The following NHSL2 variants were observed in gnomAD, a reference collection of about 807,000 sequenced individuals.
The protein encoded by NHSL2 is NHS-like protein 2.
Under a neutral mutation model 53.4 loss-of-function variants are expected in NHSL2, and 27 were observed. The ratio of observed to expected loss-of-function variants is 0.51; its 90% CI spans 0.37 to 0.70. The LOEUF is 0.70. Ranked by LOEUF, NHSL2 falls within the 30% of genes least tolerant of loss-of-function variation. NHSL2 has a pLI of 0.00. For missense variants in NHSL2, 892 were observed against 980.1 expected (o/e 0.91, Z 1.20); for synonymous variants, 408 against 404.1 (o/e 1.01, Z -0.12).
At chrX:71,941,194 T>C (rs1398493036) in intron 1 of NHSL2, among the ~76,000 whole-genome samples, 1 of 111,840 alleles carries the variant, frequency 8.9e-6, no homozygotes, top group East Asian at 2.8e-4. Context: ...TGTGTGTGTC[T>C]GTGTGTCTGC....
At chrX:72,024,483 G>A (rs2042175443) in intron 1 of NHSL2, among the ~76,000 whole-genome samples, 1 of 112,393 alleles carries the variant, frequency 8.9e-6, no homozygotes, top group Non-Finnish European at 1.9e-5. Context: ...AAATGGCACA[G>A]TACTCTGCAT....
At chrX:72,079,117 C>T (rs956165200) in intron 1 of NHSL2, among the ~76,000 whole-genome samples, 1 of 112,694 alleles carries the variant, frequency 8.9e-6, no homozygotes, top group Non-Finnish European at 1.9e-5. Flanking sequence ...CTCAATCCAT[C>T]GCCCATGCTC....
rs771392014 is a variant in NHSL2 at position 71,956,040 on chromosome X, G to A, written c.280+44673G>A. On this transcript the variant is annotated intron_variant, in intron 1 of 7. Coordinates refer to ENST00000633930, the MANE Select transcript of NHSL2 (RefSeq NM_001013627.3). Reference sequence around the variant, plus strand: ...GTGACAGCTTCTAAGGAAGCTGCTTGTGGTGCATCCATGAAACAGGGTGGA... The same window carrying A: ...GTGACAGCTTCTAAGGAAGCTGCTTATGGTGCATCCATGAAACAGGGTGGA... 2.7e-5 allele frequency among the ~76,000 whole-genome samples: 3 copies of A among 111,343 alleles called. No individual in the cohort carries two copies. The East Asian group carries it at 8.5e-4, about 32-fold the overall frequency.
chrX:71,956,572 G>C (rs1201732611), intron 1 of NHSL2, among the ~76,000 whole-genome samples: 2 of 111,474 alleles, frequency 1.8e-5, no homozygotes, highest in African/African-American at 6.5e-5. Flanking sequence ...AAACATAAAA[G>C]AAGTGTAATC....
rs1212952985 is a variant in NHSL2, at chrX:72,140,703, T to G, written c.3155T>G (p.Leu1052Arg). 1 of 1,206,352 alleles carries G rather than the reference T, an allele frequency of 8.3e-7. No individual in the cohort carries two copies. Among genetic ancestry groups the G allele is most frequent in the Non-Finnish European group, 1.1e-6 (1 of 892,493 alleles). ...DTKCPATGDD[L>R]QSLGQRVTST... The stretch of plus-strand genomic sequence containing the variant: ...AAGTGTCCCGCCACCGGCGATGACC[T>G]GCAATCACTTGGTCAAAGGGTGACT... Residue 1052 changes from leucine to arginine, a missense_variant, in exon 6 of 8, where the codon CTG becomes CGG. By Grantham distance (102) the Leu-to-Arg change is moderately radical. Coordinates refer to ENST00000633930, the MANE Select transcript of NHSL2 (RefSeq NM_001013627.3).
chrX:72,114,163 T>C (rs149723699), intron 1 of NHSL2, among the ~76,000 whole-genome samples: 500 of 112,618 alleles, frequency 4.4e-3, no homozygotes, highest in African/African-American at 0.016. Flanking sequence ...TGTAGGATTA[T>C]GAATGTTCTT....
At position 72,107,447 on chromosome X, in the gene NHSL2, T is replaced by C. The variant is rs1020620942; in HGVS notation, c.281-24632T>C. 2.7e-5 allele frequency among the ~76,000 whole-genome samples: 3 copies of C among 111,933 alleles called. No homozygotes were observed. The Admixed American group carries it at 2.8e-4, about 11-fold the overall frequency. ...TCCACGGTTCACGGCAGGGCCCATT[T>C]AGCCTGCTTCTCTCTTTGGTGTTAC... On this transcript the variant is annotated intron_variant, in intron 1 of 7. Transcript: ENST00000633930.
chrX:72,128,640 C>T (rs1039048214), intron 1 of NHSL2: 2 of 112,810 alleles, frequency 1.8e-5, no homozygotes, highest in Admixed American at 1.9e-4. Flanking sequence ...GGTTGGCCCC[C>T]ATGAGGGGTC....
intron 1 of NHSL2, among the ~76,000 whole-genome samples, chrX:71,953,920 G>A (rs928242135): frequency 1.8e-5 from 2 of 112,123 alleles, no homozygotes; most frequent in South Asian, 3.7e-4. Context: ...TCCCCAGCCT[G>A]CACCTTCGAG....
intron 1 of NHSL2, among the ~76,000 whole-genome samples, chrX:71,963,438 T>A (rs1008193068): frequency 1.8e-5 from 2 of 111,248 alleles, no homozygotes; most frequent in African/African-American, 6.5e-5. Context: ...ATATCAATAG[T>A]AATCATGATA....
chrX:71,929,568 C>T (rs182098155), intron 1 of NHSL2, among the ~76,000 whole-genome samples: 2 of 112,185 alleles, frequency 1.8e-5, no homozygotes, highest in East Asian at 5.6e-4. Flanking sequence ...GAATCCCTGT[C>T]CTAAGGCAAA....
At chrX:71,916,055 GA>G (rs1419164395) in intron 1 of NHSL2, among the ~76,000 whole-genome samples, 1 of 111,690 alleles carries the variant, frequency 9.0e-6, no homozygotes, top group African/African-American at 3.3e-5. Flanking sequence ...AATTGCTCCA[GA>G]AAAAGGATCT....
intron 1 of NHSL2, among the ~76,000 whole-genome samples, chrX:72,111,157 G>A (rs1011741862): frequency 1.8e-5 from 2 of 112,601 alleles, no homozygotes; most frequent in African/African-American, 6.5e-5. Flanking sequence ...TGGAAGAGGA[G>A]GATGAAGGCC....
At position 72,133,384 on chromosome X, in the gene NHSL2, G is replaced by A. The variant is rs758795026; in HGVS notation, c.437-707G>A. 1.1e-3 allele frequency among the ~76,000 whole-genome samples: 119 copies of A among 112,445 alleles called. No homozygotes were observed. The South Asian group carries it at 0.011, about 10-fold the overall frequency. ...CTCTGTGATTCTGAGTCTTTGTTCA[G>A]TGTACATACAGCATGAATGTCCCTT... is the stretch of plus-strand genomic sequence containing the variant. On this transcript the variant is annotated intron_variant, in intron 2 of 7. Transcript: ENST00000633930.
chrX:72,070,171 C>T (rs2042458958), intron 1 of NHSL2, among the ~76,000 whole-genome samples: 1 of 108,872 alleles, frequency 9.2e-6, no homozygotes, highest in African/African-American at 3.4e-5. Context: ...CCACCCCAGC[C>T]CCCATACCCG....
chrX:72,123,465 C>G (rs2042196990), intron 1 of NHSL2, among the ~76,000 whole-genome samples: 2 of 110,878 alleles, frequency 1.8e-5, no homozygotes, highest in South Asian at 7.6e-4. Flanking sequence ...TGAAGGTGGA[C>G]CTATTAGAAC....
chrX:71,973,791 G>T (rs772582471), intron 1 of NHSL2, among the ~76,000 whole-genome samples: 1 of 111,796 alleles, frequency 8.9e-6, no homozygotes, highest in Non-Finnish European at 1.9e-5. Flanking sequence ...GGTGGGAGAA[G>T]GAAGCCCAGT....
At chrX:72,092,197 A>T (rs1308613638) in intron 1 of NHSL2, among the ~76,000 whole-genome samples, 1 of 111,644 alleles carries the variant, frequency 9.0e-6, no homozygotes, top group Non-Finnish European at 1.9e-5. Flanking sequence ...TTAATGCATA[A>T]GTGAACCCCT....
intron 1 of NHSL2, among the ~76,000 whole-genome samples, chrX:72,124,833 G>A (rs1477469269): frequency 8.9e-6 from 1 of 111,932 alleles, no homozygotes; most frequent in Non-Finnish European, 1.9e-5. Flanking sequence ...CAGCCCAGGA[G>A]AGGGTTTTTA....
Sources: gnomAD v4.1 joint callset for allele counts (sites outside exome capture counted in the v4.1 genomes callset) on GRCh38, gnomAD v4.1.1 for gene constraint, MANE v1.5 for transcripts, NCBI Gene and HGNC (gene_info 2026-07-23, HGNC 2026-07-21) for gene names.